The following NTM variants were observed in gnomAD, a reference collection of about 807,000 sequenced individuals.
The protein encoded by NTM is IgLON family member 2.
NTM carries 13 observed loss-of-function variants against 42.1 expected under a neutral mutation model. That is an observed-to-expected ratio of 0.31 (90% confidence interval 0.20 to 0.49). The LOEUF (loss-of-function observed/expected upper bound fraction) is 0.49. Ranked by LOEUF, NTM falls within the 20% of genes least tolerant of loss-of-function variation. The pLI, the probability that NTM is intolerant of heterozygous loss-of-function variation, is 0.99. For synonymous variants in NTM, 187 were observed against 179.2 expected, an observed-to-expected ratio of 1.04 and a Z score of -0.35; for missense variants, 373 against 452.8, an observed-to-expected ratio of 0.82 and a Z score of 1.60.
intron 2 of NTM, among the ~76,000 whole-genome samples, chr11:132,074,400 T>A (rs968807885): frequency 6.6e-6 from 1 of 152,206 alleles, no homozygotes; most frequent in East Asian, 1.9e-4. Context: ...GATCCTTTTA[T>A]ATCAGCAGCA....
intron 2 of NTM, among the ~76,000 whole-genome samples, chr11:132,060,854 A>T (rs77187828): frequency 6.6e-6 from 1 of 152,234 alleles, no homozygotes; most frequent in South Asian, 2.1e-4. Context: ...GTTAGTGGTC[A>T]TAACTGCAAA....
chr11:132,100,879 T>C (rs1346604568), intron 2 of NTM, among the ~76,000 whole-genome samples: 1 of 152,212 alleles, frequency 6.6e-6, no homozygotes, highest in African/African-American at 2.4e-5. Flanking sequence ...GAGGGAAGAC[T>C]TCTGCATAGA....
chr11:131,719,198 G>A (rs918806520), intron 1 of NTM, among the ~76,000 whole-genome samples: 4 of 152,138 alleles, frequency 2.6e-5, no homozygotes, highest in Non-Finnish European at 4.4e-5. Flanking sequence ...ACGTAAGCCC[G>A]CGCCCAGTGC....
chr11:131,626,097 A>G (rs1208888972), intron 1 of NTM, among the ~76,000 whole-genome samples: 1 of 152,064 alleles, frequency 6.6e-6, no homozygotes, highest in Non-Finnish European at 1.5e-5. Flanking sequence ...CAATTTATTT[A>G]TTAAAATAAA....
At chr11:131,473,001 T>C (rs1381021282) in intron 1 of NTM, among the ~76,000 whole-genome samples, 1 of 152,240 alleles carries the variant, frequency 6.6e-6, no homozygotes, top group Admixed American at 6.5e-5. Flanking sequence ...CGTAAGAATA[T>C]GAGGATCAAT....
chr11:131,894,624 C>T (rs1317463611), intron 1 of NTM, among the ~76,000 whole-genome samples: 1 of 152,094 alleles, frequency 6.6e-6, no homozygotes, highest in African/African-American at 2.4e-5. Context: ...CCAAACAGAG[C>T]ACCAGTTGTG....
At chr11:132,286,524 C>CA (rs902033328) in intron 4 of NTM, among the ~76,000 whole-genome samples, 6 of 152,156 alleles carry the variant, frequency 3.9e-5, no homozygotes, top group African/African-American at 1.4e-4. Context: ...CCGCCCCCCC[C>CA]ACCCAAACAC....
intron 2 of NTM, among the ~76,000 whole-genome samples, chr11:132,012,767 T>C (rs1249882073): frequency 6.6e-6 from 1 of 152,190 alleles, no homozygotes; most frequent in Admixed American, 6.5e-5. Flanking sequence ...GTGAAGGTGC[T>C]GTAGCCCATC....
intron 1 of NTM, among the ~76,000 whole-genome samples, chr11:131,845,477 G>T (rs2044778757): frequency 1.3e-5 from 2 of 152,128 alleles, no homozygotes; most frequent in Admixed American, 1.3e-4. Flanking sequence ...GCCCAGAAAT[G>T]CAGAGTCTCA....
chr11:131,521,376 T>G (rs1392512352), intron 1 of NTM, among the ~76,000 whole-genome samples: 6 of 125,878 alleles, frequency 4.8e-5, no homozygotes, highest in South Asian at 2.6e-4. Flanking sequence ...AGAAGCAAGG[T>G]GCCAGTCTTT....
At chr11:131,806,215 G>T (rs2092473368) in intron 1 of NTM, among the ~76,000 whole-genome samples, 1 of 152,164 alleles carries the variant, frequency 6.6e-6, no homozygotes, top group Admixed American at 6.5e-5. Flanking sequence ...CATCTTTGAA[G>T]AAATTTGTTT....
chr11:132,270,311 A>C (rs2093415093), intron 4 of NTM, among the ~76,000 whole-genome samples: 1 of 152,102 alleles, frequency 6.6e-6, no homozygotes, highest in African/African-American at 2.4e-5. Flanking sequence ...GGCTCACTGC[A>C]ACCTTTGCCT....
intron 1 of NTM, among the ~76,000 whole-genome samples, chr11:131,670,346 CCT>C (rs986863272): frequency 6.6e-6 from 1 of 151,528 alleles, no homozygotes; most frequent in Non-Finnish European, 1.5e-5. Context: ...TCTTTCTCTC[CCT>C]CTCTCTCTTA....
chr11:131,922,029 G>A (rs1391876941), intron 2 of NTM: 1 of 152,536 alleles, frequency 6.6e-6, no homozygotes, highest in Non-Finnish European at 1.5e-5. Flanking sequence ...TACATCTCCA[G>A]TCTCTGCTTT....
intron 1 of NTM, among the ~76,000 whole-genome samples, chr11:131,522,092 G>A (rs868447408): frequency 2.0e-5 from 3 of 152,178 alleles, no homozygotes; most frequent in African/African-American, 4.8e-5. Flanking sequence ...GGATTAGAGA[G>A]ATGTATAATT....
chr11:131,558,895 T>C (rs1296683090), intron 1 of NTM, among the ~76,000 whole-genome samples: 1 of 151,740 alleles, frequency 6.6e-6, no homozygotes, highest in Admixed American at 6.6e-5. Flanking sequence ...TTCTACAGAG[T>C]GTGACTCACG....
intron 1 of NTM, among the ~76,000 whole-genome samples, chr11:131,653,353 A>G (rs1233524693): frequency 6.6e-6 from 1 of 151,948 alleles, no homozygotes; most frequent in Non-Finnish European, 1.5e-5. Context: ...CTTCCAGGGG[A>G]GGACGGACAT....
At chr11:132,317,578 G>A (rs2095463584) in intron 7 of NTM, 1 of 813,488 alleles carries the variant, frequency 1.2e-6, no homozygotes, top group South Asian at 1.5e-5. Context: ...AACTATATAT[G>A]ACAAATATAT....
chr11:131,989,958 G>A (rs1390934567), intron 2 of NTM, among the ~76,000 whole-genome samples: 2 of 152,078 alleles, frequency 1.3e-5, no homozygotes, highest in Non-Finnish European at 2.9e-5. Context: ...GGATAGTAAT[G>A]TAATTCTTTC....
Sources: gnomAD v4.1 joint callset for allele counts (sites outside exome capture counted in the v4.1 genomes callset) on GRCh38, gnomAD v4.1.1 for gene constraint, MANE v1.5 for transcripts, NCBI Gene and HGNC (gene_info 2026-07-23, HGNC 2026-07-21) for gene names.